ZHX2: variants seen among roughly 807,000 people sequenced by gnomAD.
The protein encoded by ZHX2 is zinc fingers and homeoboxes protein 2.
In ZHX2, 6 loss-of-function variants were observed where a neutral mutation model predicts 21.9. The observed-to-expected ratio is 0.27, with a 90% CI of 0.15 to 0.54. The LOEUF is 0.54. ZHX2 is among the 20% of genes least tolerant of loss of function. The probability of loss-of-function intolerance (pLI) is 0.95; values close to 1 mark genes in which losing one functional copy is unlikely to be tolerated. For missense variants in ZHX2, 908 were observed against 1,090.7 expected, an observed-to-expected ratio of 0.83 and a Z score of 2.36; for synonymous variants, 434 against 437.1, an observed-to-expected ratio of 0.99 and a Z score of 0.09.
intron 3 of ZHX2, among the ~76,000 whole-genome samples, chr8:122,957,760 C>T (rs1206919943): frequency 2.6e-5 from 4 of 152,094 alleles, no homozygotes; most frequent in South Asian, 2.1e-4. Flanking sequence ...CAGGAGCCAC[C>T]GCGCCCCACC....
chr8:122,811,994 GAGAC>G (rs927375507), intron 1 of ZHX2: 1 of 152,180 alleles, frequency 6.6e-6, no homozygotes, highest in African/African-American at 2.4e-5. Flanking sequence ...GGACTGAGGA[GAGAC>G]AGACAGTAAG....
intron 2 of ZHX2, among the ~76,000 whole-genome samples, chr8:122,924,530 G>GA (rs1820808245): frequency 6.6e-6 from 1 of 152,272 alleles, no homozygotes; most frequent in African/African-American, 2.4e-5. Context: ...CATTAAAGGT[G>GA]GTGAGCAGAG....
Position 122,828,225 on chromosome 8 carries a change from C to G in ZHX2, c.-282-35252C>G, listed in dbSNP as rs1818302937. 6.6e-6 allele frequency among the ~76,000 whole-genome samples: 1 copy of G among 152,164 alleles called. No homozygotes were observed. The highest frequency in any genetic ancestry group is 1.5e-5 in the Non-Finnish European group (1 of 68,022). On this transcript the variant is annotated intron_variant, in intron 1 of 3. Transcript: ENST00000314393. The surrounding 1 kb of genome is among the most constrained non-coding windows in gnomAD (Gnocchi z 5.2). ...CAGCGTATATGGAACAAAAGCACCCCTGTGGAGTGGACAGAAGCACAGACC... is the reference window on the plus strand; with the variant it reads ...CAGCGTATATGGAACAAAAGCACCCGTGTGGAGTGGACAGAAGCACAGACC...
chr8:122,871,728 C>A (rs954610059), intron 2 of ZHX2, among the ~76,000 whole-genome samples: 1,092 of 107,446 alleles, frequency 0.01, 2 homozygotes, highest in South Asian at 0.017. Flanking sequence ...TTTCTCAGGG[C>A]AAAAAAAAAA....
intron 2 of ZHX2, among the ~76,000 whole-genome samples, chr8:122,933,439 T>C (rs1223617595): frequency 1.3e-5 from 2 of 152,162 alleles, no homozygotes; most frequent in African/African-American, 4.8e-5. Context: ...AGCAAGATTT[T>C]TTTTTCTGCT....
intron 2 of ZHX2, among the ~76,000 whole-genome samples, chr8:122,895,921 T>C (rs757439420): frequency 2.6e-5 from 4 of 152,140 alleles, no homozygotes; most frequent in Admixed American, 1.3e-4. Context: ...ATCAGCTCAC[T>C]CTTATTTTTT....
At chr8:122,780,653 C>T (rs1459088264), upstream of ZHX2, 2 of 152,226 alleles carry the variant, frequency 1.3e-5, no homozygotes, top group African/African-American at 4.8e-5. Flanking sequence ...GCAGCGCGAT[C>T]CCCCGCCACC....
chr8:122,952,027 G>C lies in ZHX2; in HGVS notation c.517G>C (p.Gly173Arg). 1 of 1,613,486 alleles carries C rather than the reference G, an allele frequency of 6.2e-7. No homozygotes were observed. The highest frequency in any genetic ancestry group is 1.3e-5 in the African/African-American group (1 of 74,826). The change falls in exon 3 of 4, where the codon GGT (glycine) becomes CGT (arginine). Residue 173 changes from glycine (G) to arginine (R), a missense_variant. Physicochemically the swap from Gly to Arg is moderately radical, Grantham distance 125 (BLOSUM62 -2). This residue lies in a region of ZHX2 where 220 missense variants were observed against 251.4 expected (regional missense o/e 0.88). Coordinates refer to ENST00000314393, the MANE Select transcript of ZHX2 (RefSeq NM_014943.5). This position sits in a 1 kb window ranked among gnomAD's most constrained non-coding sequence, Gnocchi z 6.9. ...VSITTSGPGT[G>R]DSDSGISVSK... ...CATCACCACCAGTGGCCCTGGAACT[G>C]GTGACAGTGATTCTGGGATCTCGGT...
At chr8:122,868,517 C>T (rs1212531177) in intron 2 of ZHX2, among the ~76,000 whole-genome samples, 9 of 151,596 alleles carry the variant, frequency 5.9e-5, no homozygotes, top group Non-Finnish European at 8.8e-5. Flanking sequence ...CAGACAAACA[C>T]GGTGAAACCC....
chr8:122,943,608 A>C (rs1812899269), intron 2 of ZHX2, among the ~76,000 whole-genome samples: 1 of 152,152 alleles, frequency 6.6e-6, no homozygotes, highest in South Asian at 2.1e-4. Context: ...GCCAAACCCA[A>C]CGGGCGAAAG....
At chr8:122,788,068 C>T (rs1464007551) in intron 1 of ZHX2, among the ~76,000 whole-genome samples, 1 of 152,208 alleles carries the variant, frequency 6.6e-6, no homozygotes, top group African/African-American at 2.4e-5. Flanking sequence ...CCTACACAAC[C>T]AGATGCACAA....
chr8:122,951,119 AGAGAAGAAGAATGT>A (rs1459585110), intron 2 of ZHX2, among the ~76,000 whole-genome samples, 159 bp from the exon 3 acceptor site: 3 of 152,176 alleles, frequency 2.0e-5, no homozygotes, highest in African/African-American at 7.2e-5. Flanking sequence ...AAAAAAAGGA[AGAGAAGAAGAATGT>A]GATTTTTCGT....
chr8:122,869,323 T>C (rs549624969), intron 2 of ZHX2, among the ~76,000 whole-genome samples: 1 of 133,802 alleles, frequency 7.5e-6, no homozygotes, highest in Non-Finnish European at 1.6e-5. Context: ...TCATCCTTTT[T>C]TGTTTTTTTT....
chr8:122,802,398 G>T (rs1008648373), intron 1 of ZHX2, among the ~76,000 whole-genome samples: 1 of 152,194 alleles, frequency 6.6e-6, no homozygotes, highest in Non-Finnish European at 1.5e-5. Context: ...CTGCAGCTGG[G>T]TTCACTCTGC....
chr8:122,966,189 T>G (rs1384530587), intron 3 of ZHX2, among the ~76,000 whole-genome samples: 1 of 152,212 alleles, frequency 6.6e-6, no homozygotes, highest in African/African-American at 2.4e-5. Flanking sequence ...TCTATTCACA[T>G]TCTAGTTGTT....
rs75952119 is a variant in ZHX2, at chr8:122,902,597, G to A, written c.-220+39058G>A. ...TCAGACCTTGAGTCAGGAGACTTGG[G>A]TTCAAATCCCAGCTCTGCCTCTTCT... is the stretch of plus-strand genomic sequence containing the variant. On this transcript the variant is annotated intron_variant, in intron 2 of 3. Coordinates refer to ENST00000314393, the MANE Select transcript of ZHX2 (RefSeq NM_014943.5). Among the ~76,000 whole-genome samples the A allele has an allele frequency of 3.4e-3, 520 of 152,298 alleles. 7 individuals are homozygous for A. The highest frequency in any genetic ancestry group is 0.012 in the African/African-American group (504 of 41,550).
At chr8:122,902,966 C>T (rs1331260405) in intron 2 of ZHX2, among the ~76,000 whole-genome samples, 3 of 152,106 alleles carry the variant, frequency 2.0e-5, no homozygotes, top group Admixed American at 6.5e-5. Flanking sequence ...AGAATCCACT[C>T]GGGAGCTGGT....
chr8:122,806,060 C>A (rs1817816875), intron 1 of ZHX2, among the ~76,000 whole-genome samples: 1 of 152,188 alleles, frequency 6.6e-6, no homozygotes, highest in Non-Finnish European at 1.5e-5. Flanking sequence ...GCACAGTTTC[C>A]TGTTCTTATT....
At chr8:122,960,969 A>G (rs1813428423) in intron 3 of ZHX2, among the ~76,000 whole-genome samples, 1 of 152,218 alleles carries the variant, frequency 6.6e-6, no homozygotes, top group African/African-American at 2.4e-5. Context: ...ATGGTGGAAA[A>G]TTCTAGAGCA....
Sources: allele counts gnomAD v4.1 joint callset (sites outside exome capture counted in the v4.1 genomes callset), GRCh38; gene constraint gnomAD v4.1.1; regional missense constraint gnomAD v4.1.1; non-coding constraint Gnocchi (gnomAD v3.1); transcripts MANE v1.5; gene names NCBI Gene and HGNC (gene_info 2026-07-23, HGNC 2026-07-21).